The following NKAIN3 variants were observed in gnomAD, a reference collection of about 807,000 sequenced individuals.
The protein encoded by NKAIN3 is sodium/potassium transporting ATPase interacting 3, also known as sodium/potassium-transporting ATPase subunit beta-1-interacting protein 3.
A neutral mutation model predicts 30.2 loss-of-function variants in NKAIN3; 25 were observed. That is an observed-to-expected ratio of 0.83 (90% CI 0.60 to 1.16). The LOEUF is 1.16. NKAIN3 is among the 50% of genes most tolerant of loss of function. The pLI is 0.00. For missense variants in NKAIN3, 225 were observed against 254.1 expected, an observed-to-expected ratio of 0.89 and a Z score of 0.78; for synonymous variants, 91 against 89.6, an observed-to-expected ratio of 1.02 and a Z score of -0.09.
At chr8:62,662,709 A>C (rs1812983332) in intron 3 of NKAIN3, among the ~76,000 whole-genome samples, 1 of 152,178 alleles carries the variant, frequency 6.6e-6, no homozygotes, top group Non-Finnish European at 1.5e-5. Context: ...CTTTTTTAAA[A>C]ATTACTTAGT....
chr8:62,634,040 G>A (rs1305701192), intron 3 of NKAIN3, among the ~76,000 whole-genome samples: 1 of 152,038 alleles, frequency 6.6e-6, no homozygotes, highest in Non-Finnish European at 1.5e-5. Flanking sequence ...CTGAAACCAA[G>A]GAATAAGAAA....
Position 62,863,197 on chromosome 8 carries a change from C to T in NKAIN3, c.472-55256C>T, listed in dbSNP as rs1435176747. 6 of 1,544,372 alleles carry T rather than the reference C, an allele frequency of 3.9e-6. No homozygotes were observed. The South Asian group carries it at 5.6e-5, about 14-fold the overall frequency. ...CTCCAATTCTTCTATCTCCTGCAGG[C>T]GTTTTTCCAATAACTCAGCCTGCCT... On this transcript the variant is annotated intron_variant, in intron 4 of 6. Transcript: ENST00000623646.
At chr8:62,309,395 C>A (rs1814355954) in intron 1 of NKAIN3, among the ~76,000 whole-genome samples, 1 of 150,546 alleles carries the variant, frequency 6.6e-6, no homozygotes, top group African/African-American at 2.5e-5. Context: ...TGATAATGCA[C>A]ATACAAGTCA....
chr8:62,717,080 G>T (rs1586123202), intron 3 of NKAIN3, among the ~76,000 whole-genome samples: 1 of 152,244 alleles, frequency 6.6e-6, no homozygotes, highest in East Asian at 1.9e-4. Flanking sequence ...ATGTGAAAGG[G>T]CTTTCGATCA....
chr8:62,919,306 G>A (rs934558687), intron 5 of NKAIN3, among the ~76,000 whole-genome samples: 25 of 126,574 alleles, frequency 2.0e-4, no homozygotes, highest in Admixed American at 1.2e-3. Flanking sequence ...GTGCAGTGGC[G>A]TGATCTCAGC....
chr8:62,956,481 C>G (rs1211186340), intron 6 of NKAIN3, among the ~76,000 whole-genome samples: 1 of 152,090 alleles, frequency 6.6e-6, no homozygotes, highest in African/African-American at 2.4e-5. Context: ...GTACAGGAAG[C>G]CTTAATTCTC....
intron 3 of NKAIN3, among the ~76,000 whole-genome samples, chr8:62,633,823 G>A (rs1017131384): frequency 1.3e-5 from 2 of 152,130 alleles, no homozygotes; most frequent in Non-Finnish European, 2.9e-5. Context: ...GAAAGAATAT[G>A]AAGAAGGCAG....
At chr8:62,677,551 G>T (rs1322176812) in intron 3 of NKAIN3, among the ~76,000 whole-genome samples, 6 of 152,182 alleles carry the variant, frequency 3.9e-5, no homozygotes, top group Non-Finnish European at 7.3e-5. Context: ...ATGCACTGTA[G>T]TCCCCTGTGT....
rs1004282781 is a variant in NKAIN3, at chr8:62,354,277, C to A, written c.54+105150C>A. On this transcript the variant is annotated intron_variant, in intron 1 of 6. Coordinates refer to ENST00000623646, the MANE Select transcript of NKAIN3 (RefSeq NM_001304533.3). Reference sequence around the variant, plus strand: ...CACTAAAGATCTTTTAGCCTACCTTCTTTTTTTAGGTGAGTAAACTGGAGA... The same window carrying A: ...CACTAAAGATCTTTTAGCCTACCTTATTTTTTTAGGTGAGTAAACTGGAGA... 3.3e-5 allele frequency among the ~76,000 whole-genome samples: 5 copies of A among 150,852 alleles called. No individual in the cohort carries two copies. In the East Asian group the frequency reaches 9.6e-4, roughly 29 times the overall value.
chr8:62,402,740 C>T (rs1803921861), intron 1 of NKAIN3, among the ~76,000 whole-genome samples: 1 of 152,094 alleles, frequency 6.6e-6, no homozygotes, highest in African/African-American at 2.4e-5. Flanking sequence ...TGTAAATTAC[C>T]CAATCTTGAG....
chr8:62,533,270 A>C (rs1226776897), intron 1 of NKAIN3, among the ~76,000 whole-genome samples: 1 of 152,208 alleles, frequency 6.6e-6, no homozygotes. Flanking sequence ...GGACACATGT[A>C]AAAAGATGGA....
At chr8:62,902,959 C>T (rs1461497289) in intron 4 of NKAIN3, among the ~76,000 whole-genome samples, 4 of 152,184 alleles carry the variant, frequency 2.6e-5, no homozygotes, top group African/African-American at 9.7e-5. Flanking sequence ...CATCGATGTC[C>T]TCCATGATAT....
chr8:62,958,232 C>T (rs189690410), intron 6 of NKAIN3, among the ~76,000 whole-genome samples: 18 of 152,020 alleles, frequency 1.2e-4, no homozygotes, highest in Admixed American at 9.8e-4. Context: ...TGACAGCTCT[C>T]GGTGAGGACC....
At position 62,480,605 on chromosome 8, in the gene NKAIN3, C is replaced by T. The variant is rs577886290; in HGVS notation, c.55-98934C>T. Among the ~76,000 whole-genome samples the T allele has an allele frequency of 3.0e-3, 449 of 150,910 alleles. 1 individual carries two copies. Among genetic ancestry groups the T allele is most frequent in the Middle Eastern group, 0.014 (4 of 288 alleles). On this transcript the variant is annotated intron_variant, in intron 1 of 6. Transcript: ENST00000623646. ...TCCTAACAGGAGAGAAAAAGCCCGA[C>T]CAAGACATTTTCAAAATGGCCCTAG...
chr8:62,704,663 G>C (rs1005891358), intron 3 of NKAIN3, among the ~76,000 whole-genome samples: 1 of 152,172 alleles, frequency 6.6e-6, no homozygotes, highest in South Asian at 2.1e-4. Flanking sequence ...ATCCCAAAGA[G>C]AGCCTTCTAG....
At chr8:62,460,000 C>T (rs1805939914) in intron 1 of NKAIN3, among the ~76,000 whole-genome samples, 1 of 152,084 alleles carries the variant, frequency 6.6e-6, no homozygotes, top group Admixed American at 6.6e-5. Flanking sequence ...TAATGTGGTA[C>T]AATTCAAAAC....
At chr8:62,475,614 C>T (rs1015596112) in intron 1 of NKAIN3, among the ~76,000 whole-genome samples, 1 of 152,144 alleles carries the variant, frequency 6.6e-6, no homozygotes, top group African/African-American at 2.4e-5. Context: ...ATTAGGATCC[C>T]AGAATCCACC....
chr8:62,565,521 C>G (rs1233331572), intron 1 of NKAIN3, among the ~76,000 whole-genome samples: 1 of 152,070 alleles, frequency 6.6e-6, no homozygotes, highest in Non-Finnish European at 1.5e-5. Context: ...GGATGTTGCT[C>G]AGGGTCACAT....
rs143158736 is a variant in NKAIN3, at chr8:62,590,411, T to C, written c.273+617T>C. 7.1e-4 allele frequency among the ~76,000 whole-genome samples: 108 copies of C among 152,016 alleles called. 1 individual carries two copies. The Middle Eastern group carries it at 0.02, about 29-fold the overall frequency. On this transcript the variant is annotated intron_variant, in intron 3 of 6. Coordinates refer to ENST00000623646, the MANE Select transcript of NKAIN3 (RefSeq NM_001304533.3). Reference sequence around the variant, plus strand: ...GAACTGTCAGCAAAGCACATGATTTTATTATGCCTCCTGCAAAAATGTCTC... The same window carrying C: ...GAACTGTCAGCAAAGCACATGATTTCATTATGCCTCCTGCAAAAATGTCTC...
Sources: gnomAD v4.1 joint callset for allele counts (sites outside exome capture counted in the v4.1 genomes callset) on GRCh38, gnomAD v4.1.1 for gene constraint, MANE v1.5 for transcripts, NCBI Gene and HGNC (gene_info 2026-07-23, HGNC 2026-07-21) for gene names.